Variants in LIN28B observed in about 807,000 individuals in gnomAD.
LIN28B encodes lin-28 RNA binding posttranscriptional regulator B, also known as protein lin-28 homolog B.
LIN28B carries 5 observed loss-of-function variants against 21.9 expected under a neutral mutation model. That is an observed-to-expected ratio of 0.23 (90% CI 0.12 to 0.48). The LOEUF (loss-of-function observed/expected upper bound fraction) is 0.48. Among genes scored for constraint, LIN28B ranks in the 20% least tolerant of loss-of-function variants. LIN28B has a pLI of 0.98. For missense variants in LIN28B, 245 were observed against 310.5 expected (o/e 0.79, Z 1.58); for synonymous variants, 109 against 111.3 (o/e 0.98, Z 0.13).
intron 2 of LIN28B, among the ~76,000 whole-genome samples, chr6:104,968,504 T>A (rs934037522): frequency 6.6e-6 from 1 of 152,190 alleles, no homozygotes; most frequent in Non-Finnish European, 1.5e-5. Flanking sequence ...CAGCCCACTT[T>A]AAAAAATCAA....
intron 3 of LIN28B, among the ~76,000 whole-genome samples, chr6:105,067,880 T>C (rs1395808221): frequency 1.3e-5 from 2 of 152,182 alleles, no homozygotes; most frequent in Non-Finnish European, 2.9e-5. Flanking sequence ...TTTGCCCCCA[T>C]GCCTCCAGTG....
chr6:105,059,291 A>G (rs1582925359), intron 3 of LIN28B, among the ~76,000 whole-genome samples: 3 of 151,966 alleles, frequency 2.0e-5, no homozygotes, highest in African/African-American at 7.2e-5. Context: ...GTTCCTTCTT[A>G]GAAAGCCTAA....
chr6:104,946,078 C>T (rs749842312), intron 2 of LIN28B, among the ~76,000 whole-genome samples: 4 of 151,706 alleles, frequency 2.6e-5, no homozygotes, highest in Non-Finnish European at 4.4e-5. Flanking sequence ...ATGATATATT[C>T]TAAATTAAAT....
At chr6:104,959,855 GA>G (rs1582864869) in intron 2 of LIN28B, among the ~76,000 whole-genome samples, 2 of 151,826 alleles carry the variant, frequency 1.3e-5, no homozygotes, top group Admixed American at 6.6e-5. Flanking sequence ...ATAGATGAAT[GA>G]AAAAAATAAC....
At chr6:105,049,683 C>T (rs919533006) in intron 3 of LIN28B, among the ~76,000 whole-genome samples, 4 of 152,124 alleles carry the variant, frequency 2.6e-5, no homozygotes, top group Admixed American at 1.3e-4. Flanking sequence ...AATCTGGGTG[C>T]TCCTGTATTG....
In LIN28B at chr6:104,972,566, G is replaced by A. The variant is rs552070699; in HGVS notation, c.198+14280G>A. Among the ~76,000 whole-genome samples the A allele has an allele frequency of 7.2e-5, 11 of 152,230 alleles. No homozygotes were observed. The East Asian group carries it at 2.1e-3, about 29-fold the overall frequency. On this transcript the variant is annotated intron_variant, in intron 2 of 3. Coordinates refer to ENST00000345080, the MANE Select transcript of LIN28B (RefSeq NM_001004317.4). ...AAAAATACAAGGTTAGTTTGCTGGG[G>A]TGGGTAACACCATTAGATGTGTTGC...
chr6:104,992,646 C>T (rs1395289597), intron 2 of LIN28B, among the ~76,000 whole-genome samples: 2 of 151,920 alleles, frequency 1.3e-5, no homozygotes, highest in Non-Finnish European at 2.9e-5. Context: ...GCTGGGATCA[C>T]GGTCATGTGC....
At chr6:104,951,613 T>C (rs1162923004) in intron 3 of LIN28B, among the ~76,000 whole-genome samples, 1 of 152,182 alleles carries the variant, frequency 6.6e-6, no homozygotes, top group African/African-American at 2.4e-5. Context: ...TGGGAAATAA[T>C]GTTAACACCA....
At chr6:104,967,658 A>G (rs892579613) in intron 2 of LIN28B, among the ~76,000 whole-genome samples, 12 of 149,404 alleles carry the variant, frequency 8.0e-5, no homozygotes, top group African/African-American at 2.9e-4. Flanking sequence ...AACATTTTTA[A>G]AATTTTTATT....
At chr6:104,960,110 A>G (rs186617271) in intron 2 of LIN28B, among the ~76,000 whole-genome samples, 8 of 152,274 alleles carry the variant, frequency 5.3e-5, no homozygotes, top group African/African-American at 1.9e-4. Flanking sequence ...TGATTTTTAA[A>G]TAGTTGACTT....
chr6:105,038,444 T>G (rs1313650706), intron 3 of LIN28B, among the ~76,000 whole-genome samples: 1 of 151,952 alleles, frequency 6.6e-6, no homozygotes, highest in Non-Finnish European at 1.5e-5. Context: ...GGGCCAACAG[T>G]TGGGAAAACA....
chr6:105,003,017 A>G (rs2114293939), intron 2 of LIN28B, among the ~76,000 whole-genome samples: 1 of 152,322 alleles, frequency 6.6e-6, no homozygotes, highest in Middle Eastern at 3.4e-3. Context: ...GGGCAGGTTA[A>G]TTTGGGATTT....
intron 2 of LIN28B, among the ~76,000 whole-genome samples, chr6:105,019,031 C>T (rs1326673509): frequency 4.0e-5 from 6 of 151,886 alleles, no homozygotes; most frequent in African/African-American, 1.2e-4. Context: ...CTGCAACCTC[C>T]GCCTCCCGGG....
intron 2 of LIN28B, among the ~76,000 whole-genome samples, chr6:104,975,810 A>G (rs1029631449): frequency 1.3e-5 from 2 of 150,252 alleles, no homozygotes; most frequent in Admixed American, 6.6e-5. Context: ...GCGTGCCACC[A>G]TGCTCAGCTA....
chr6:105,025,211 T>A (rs1771264532), intron 2 of LIN28B, among the ~76,000 whole-genome samples: 1 of 152,322 alleles, frequency 6.6e-6, no homozygotes, highest in Admixed American at 6.5e-5. Flanking sequence ...CATCATGTTT[T>A]ATTTCTGTTG....
At chr6:104,979,400 G>A (rs900317150) in intron 2 of LIN28B, among the ~76,000 whole-genome samples, 1 of 151,946 alleles carries the variant, frequency 6.6e-6, no homozygotes. Context: ...TAGAGACGGG[G>A]TTTCACCATG....
intron 2 of LIN28B, among the ~76,000 whole-genome samples, chr6:104,965,335 G>A (rs1160957988): frequency 1.3e-5 from 2 of 152,080 alleles, no homozygotes; most frequent in African/African-American, 2.4e-5. Flanking sequence ...AGACCAGCCT[G>A]GGTAACATGG....
At chr6:105,001,204 T>C (rs1007152768) in intron 2 of LIN28B, among the ~76,000 whole-genome samples, 3 of 152,250 alleles carry the variant, frequency 2.0e-5, no homozygotes, top group African/African-American at 7.2e-5. Context: ...CCTGAGTTAC[T>C]ATGTATATTT....
intron 2 of LIN28B, among the ~76,000 whole-genome samples, chr6:104,994,850 G>A (rs938070448): frequency 2.0e-5 from 3 of 152,164 alleles, no homozygotes. Flanking sequence ...TGATTCACAC[G>A]GGGAGCCTTT....
Sources: allele counts gnomAD v4.1 joint callset (sites outside exome capture counted in the v4.1 genomes callset), GRCh38; gene constraint gnomAD v4.1.1; transcripts MANE v1.5; gene names NCBI Gene and HGNC (gene_info 2026-07-23, HGNC 2026-07-21).